The following ERCC6 variants were observed in gnomAD, a reference collection of about 807,000 sequenced individuals.
ERCC6 encodes ERCC excision repair 6, chromatin remodeling factor.
ERCC6 carries 116 observed loss-of-function variants against 158.7 expected under a neutral mutation model. That is an observed-to-expected ratio of 0.73 (90% CI 0.63 to 0.85). ERCC6 has a LOEUF of 0.85. ERCC6 is among the 40% of genes least tolerant of loss of function. The probability of loss-of-function intolerance (pLI) is 0.00; values close to 1 mark genes in which losing one functional copy is unlikely to be tolerated. For synonymous variants in ERCC6, 678 were observed against 659.3 expected (o/e 1.03, Z -0.43); for missense variants, 1,698 against 1,799.4 (o/e 0.94, Z 1.02).
At position 49,471,065 on chromosome 10, in the gene ERCC6, G is replaced by A. The variant is rs745709338; in HGVS notation, c.2980C>T (p.Arg994Trp). Residue 994 changes from arginine (R) to tryptophan (W), a missense_variant, in exon 17 of 21, where the codon CGG becomes TGG. Transcript: ENST00000355832. The stretch of plus-strand genomic sequence containing the variant: ...TAGAGATCATTGGATTTGAAAAACC[G>A]CCTTTGTTTTGGGTCTTTTAGCACT... Reference protein sequence around the residue: ...NRVLKDPKQRRFFKSNDLYEL... With the variant: ...NRVLKDPKQRWFFKSNDLYEL... 8.1e-6 allele frequency: 13 copies of A among 1,613,790 alleles called. No homozygotes were observed. The highest frequency in any genetic ancestry group is 1.0e-5 in the Non-Finnish European group (12 of 1,179,924).
chr10:49,515,443 G>GT, intron 5 of ERCC6: 1 of 1,614,128 alleles, frequency 6.2e-7, no homozygotes, highest in South Asian at 1.1e-5. Context: ...TGCTTTCCCT[G>GT]TTTGACTATC....
chr10:49,472,681 G>C, intron 15 of ERCC6: 6 of 738,042 alleles, frequency 8.1e-6, no homozygotes, highest in Non-Finnish European at 1.3e-5. Context: ...CTTTGCCTAT[G>C]TTCTTTTTAC....
rs372159714 is a variant in ERCC6, at chr10:49,537,384, CAAAT to C, written c.-15+1574_-15+1577del. Among the ~76,000 whole-genome samples, 3 of 148,986 alleles carry C rather than the reference CAAAT, an allele frequency of 2.0e-5. No homozygotes were observed. In the East Asian group the frequency reaches 5.9e-4, roughly 29 times the overall value. On this transcript the variant is annotated intron_variant, in intron 1 of 20. Transcript: ENST00000355832. The stretch of plus-strand genomic sequence containing the variant: ...AGAAAGAAAGAAATCATACATTTAA[CAAAT>C]AGTTACTGAGAGTTAATTACACCAG...
intron 10 of ERCC6, among the ~76,000 whole-genome samples, chr10:49,482,431 T>C (rs1329324151): frequency 6.6e-6 from 1 of 152,210 alleles, no homozygotes; most frequent in African/African-American, 2.4e-5. Context: ...CAAAACTGTT[T>C]AATTTCCATT....
chr10:49,508,300 T>C (rs1430310028), intron 5 of ERCC6, among the ~76,000 whole-genome samples: 2 of 152,210 alleles, frequency 1.3e-5, no homozygotes, highest in African/African-American at 4.8e-5. Flanking sequence ...ACTTTATTGA[T>C]ATATGATGAC....
rs781113838 is a variant in ERCC6, at chr10:49,505,904, A to C, written c.1506T>G (p.Phe502Leu). 4.3e-6 allele frequency: 7 copies of C among 1,613,230 alleles called. No homozygotes were observed. The highest frequency in any genetic ancestry group is 5.1e-6 in the Non-Finnish European group (6 of 1,179,528). ...EFDEGFKVPG[F>L]LFKKLFKYQQ... is the part of the protein sequence containing the mutation. ...CATACTTAAAAAGCTTTTTGAACAGAAAACCTGGCACTTTAAAACCTTCGT... is the reference window on the plus strand; with the variant it reads ...CATACTTAAAAAGCTTTTTGAACAGCAAACCTGGCACTTTAAAACCTTCGT... Residue 502 changes from phenylalanine to leucine, a missense_variant, in exon 6 of 21, where the codon TTT (phenylalanine) becomes TTG (leucine). Phe to Leu is a conservative substitution (Grantham distance 22). Transcript: ENST00000355832.
Position 49,455,810 on chromosome 10 carries a change from A to T in ERCC6, c.*3005T>A, listed in dbSNP as rs1441749041. ...TTTTGTACGTAATCAGGGAAATTCA[A>T]GTGAAAACAAGGTACTTTCAATCAC... is the stretch of plus-strand genomic sequence containing the variant. On this transcript the variant is annotated 3_prime_UTR_variant, in exon 21 of 21. Transcript: ENST00000355832. 2.0e-5 allele frequency: 3 copies of T among 152,262 alleles called. No individual in the cohort carries two copies. In the East Asian group the frequency reaches 5.8e-4, roughly 29 times the overall value. 9.4% of individuals were successfully genotyped at this position (152,262 alleles called of 1,614,324 possible).
chr10:49,510,735 A>G (rs1851519269), intron 5 of ERCC6, among the ~76,000 whole-genome samples: 1 of 152,210 alleles, frequency 6.6e-6, no homozygotes, highest in African/African-American at 2.4e-5. Flanking sequence ...AATGAAGTTC[A>G]TAATTCGGTT....
chr10:49,441,230 T>C, the ERCC6 span, among the ~76,000 whole-genome samples: 3 of 152,256 alleles, frequency 2.0e-5, no homozygotes, highest in African/African-American at 7.2e-5. Context: ...ACAAGAGCCA[T>C]GTACCAATGT....
intron 2 of ERCC6, 89 bp from the exon 3 acceptor site, chr10:49,530,929 TTTAC>T (rs1837455694): frequency 6.5e-7 from 1 of 1,540,814 alleles, no homozygotes; most frequent in African/African-American, 1.4e-5. Context: ...ACATGTCCCT[TTTAC>T]TTCTTATTAA....
At chr10:49,477,605 C>T (rs375229206) in intron 11 of ERCC6, among the ~76,000 whole-genome samples, 1 of 152,130 alleles carries the variant, frequency 6.6e-6, no homozygotes, top group African/African-American at 2.4e-5. Context: ...ATGCCCAGGT[C>T]TTCACTTCTG....
intron 7 of ERCC6, among the ~76,000 whole-genome samples, chr10:49,496,661 A>G (rs1275373826): frequency 6.6e-6 from 1 of 152,114 alleles, no homozygotes; most frequent in East Asian, 1.9e-4. Flanking sequence ...TATAAAAATT[A>G]GCCGGGTATG....
chr10:49,483,627 G>T, intron 8 of ERCC6, 111 bp from the exon 9 acceptor site: 2 of 1,076,340 alleles, frequency 1.9e-6, no homozygotes, highest in Non-Finnish European at 1.4e-6. Flanking sequence ...AACATAACAT[G>T]CACAATCACA....
chr10:49,450,601 C>T (rs763571868), downstream of ERCC6, among the ~76,000 whole-genome samples: 1 of 152,152 alleles, frequency 6.6e-6, no homozygotes, highest in African/African-American at 2.4e-5. Context: ...ATATTGTCAT[C>T]TTAACAGCAT....
intron 1 of ERCC6, among the ~76,000 whole-genome samples, chr10:49,538,487 A>G (rs1272207792): frequency 6.6e-6 from 1 of 152,238 alleles, no homozygotes; most frequent in Non-Finnish European, 1.5e-5. Flanking sequence ...TGCCTGTCAC[A>G]GGATGACAGC....
intron 5 of ERCC6, among the ~76,000 whole-genome samples, chr10:49,522,208 G>A (rs1040071389): frequency 6.6e-6 from 1 of 152,064 alleles, no homozygotes; most frequent in African/African-American, 2.4e-5. Context: ...GTTTCTCAAG[G>A]GAATAGCATT....
intron 10 of ERCC6, among the ~76,000 whole-genome samples, chr10:49,480,082 C>T (rs1403425184): frequency 6.6e-6 from 1 of 152,176 alleles, no homozygotes; most frequent in Non-Finnish European, 1.5e-5. Flanking sequence ...ACTAGGCGTC[C>T]CTGCAGGCTC....
rs1250637421 is a variant in ERCC6, at chr10:49,536,146, T to C, written c.-15+2816A>G. Among the ~76,000 whole-genome samples the C allele has an allele frequency of 3.3e-5, 5 of 152,004 alleles. No individual in the cohort carries two copies. In the East Asian group the frequency reaches 5.8e-4, roughly 18 times the overall value. ...AAATAAAAAAGTTTCAGTGGAGCGA[T>C]AGGGCCAAAAACCAGACTGTAGTGG... is the stretch of plus-strand genomic sequence containing the variant. On this transcript the variant is annotated intron_variant, in intron 1 of 20. Coordinates refer to ENST00000355832, the MANE Select transcript of ERCC6 (RefSeq NM_000124.4).
intron 4 of ERCC6, chr10:49,525,171 T>A: frequency 4.4e-6 from 1 of 228,296 alleles, no homozygotes; most frequent in Non-Finnish European, 8.7e-6. Context: ...AAACCAACAT[T>A]CAGATGGACT....
Sources: allele counts gnomAD v4.1 joint callset (sites outside exome capture counted in the v4.1 genomes callset), GRCh38; gene constraint gnomAD v4.1.1; transcripts MANE v1.5; gene names NCBI Gene and HGNC (gene_info 2026-07-23, HGNC 2026-07-21).